Variants in CACNA2D1 observed in about 807,000 individuals in gnomAD.
CACNA2D1 encodes calcium voltage-gated channel auxiliary subunit alpha2delta 1, also known as voltage-dependent calcium channel subunit alpha-2/delta-1.
Under a neutral mutation model 171.5 loss-of-function variants are expected in CACNA2D1, and 53 were observed. That is an observed-to-expected ratio of 0.31 (90% CI 0.25 to 0.39). CACNA2D1 has a LOEUF of 0.39. Among genes scored for constraint, CACNA2D1 ranks in the 10% least tolerant of loss-of-function variants. The pLI, the probability that CACNA2D1 is intolerant of heterozygous loss-of-function variation, is 1.00. For synonymous variants in CACNA2D1, 442 were observed against 443.1 expected (o/e 1.00, Z 0.03); for missense variants, 903 against 1,299.8 (o/e 0.69, Z 4.69).
chr7:82,093,601 C>A (rs908163508), intron 6 of CACNA2D1, among the ~76,000 whole-genome samples: 4 of 151,852 alleles, frequency 2.6e-5, no homozygotes, highest in Admixed American at 2.6e-4. Flanking sequence ...AAGACAATGG[C>A]AAACTGAAAA....
chr7:82,024,613 A>G (rs1457100533), intron 12 of CACNA2D1, among the ~76,000 whole-genome samples: 1 of 151,532 alleles, frequency 6.6e-6, no homozygotes, highest in Non-Finnish European at 1.5e-5. Context: ...AGCTCTGTTG[A>G]TTGTTTCCTT....
intron 3 of CACNA2D1, among the ~76,000 whole-genome samples, chr7:82,274,145 C>G (rs1216158519): frequency 6.6e-6 from 1 of 152,100 alleles, no homozygotes; most frequent in Non-Finnish European, 1.5e-5. Flanking sequence ...AGCCTGCGCA[C>G]TAACCCCTCC....
chr7:82,256,344 T>A (rs894593437), intron 3 of CACNA2D1, among the ~76,000 whole-genome samples: 1 of 152,152 alleles, frequency 6.6e-6, no homozygotes, highest in African/African-American at 2.4e-5. Context: ...CAGAGTTTGA[T>A]CTTCTCTCCA....
intron 4 of CACNA2D1, among the ~76,000 whole-genome samples, chr7:82,165,054 A>T (rs2129139419): frequency 6.6e-6 from 1 of 152,080 alleles, no homozygotes; most frequent in East Asian, 1.9e-4. Flanking sequence ...AATTTTTAGG[A>T]CATTGGCAGC....
chr7:82,366,903 C>CTTTTTTTTTTTTTTTTTTTTTTTTT lies in CACNA2D1; in HGVS notation c.96-17255_96-17254insAAAAAAAAAAAAAAAAAAAAAAAAA, dbSNP rs71093376. Among the ~76,000 whole-genome samples, 39 of 86,968 alleles carry CTTTTTTTTTTTTTTTTTTTTTTTTT rather than the reference C, an allele frequency of 4.5e-4. 1 individual carries two copies. The highest frequency in any genetic ancestry group is 5.5e-4 in the Non-Finnish European group (24 of 43,366). The allele number at this position is 86,968 out of a possible 152,430, so 57.1% of individuals were successfully genotyped here. Reference sequence around the variant, plus strand: ...CCTGCCAGCATCCACTGGTTTTGACCTTTTTTTTTTTTTTTTTTTTTTTGA... The same window carrying CTTTTTTTTTTTTTTTTTTTTTTTTT: ...CCTGCCAGCATCCACTGGTTTTGACCTTTTTTTTTTTTTTTTTTTTTTTTTTTTTTTTTTTTTTTTTTTTTTTTGA... On this transcript the variant is annotated intron_variant, in intron 1 of 38. Coordinates refer to ENST00000356860, the MANE Select transcript of CACNA2D1 (RefSeq NM_000722.4).
chr7:82,095,456 G>C (rs1811740712), intron 6 of CACNA2D1, among the ~76,000 whole-genome samples: 1 of 152,154 alleles, frequency 6.6e-6, no homozygotes. Context: ...AGAGGCAATG[G>C]GATGTGACAA....
intron 22 of CACNA2D1, among the ~76,000 whole-genome samples, chr7:81,983,845 C>A (rs550106146): frequency 1.3e-5 from 2 of 152,274 alleles, no homozygotes; most frequent in South Asian, 2.1e-4. Context: ...CTGTAGCTTA[C>A]TTTAAGATCA....
At position 82,218,283 on chromosome 7, in the gene CACNA2D1, A is replaced by G. The variant is rs148405674; in HGVS notation, c.295-47674T>C. 1.6e-4 allele frequency among the ~76,000 whole-genome samples: 25 copies of G among 152,242 alleles called. No individual in the cohort carries two copies. In the East Asian group the frequency reaches 4.2e-3, roughly 26 times the overall value. On this transcript the variant is annotated intron_variant, in intron 3 of 38. Transcript: ENST00000356860. ...CTCAGGAAAACGCTTTCAGGCAGAC[A>G]CTATTTTTATTCTCACTTAAGATGT...
rs116363349 is a variant in CACNA2D1, at chr7:82,349,078, C to T, written c.177+490G>A. 2.0e-3 allele frequency among the ~76,000 whole-genome samples: 308 copies of T among 152,190 alleles called. 1 individual carries two copies. The highest frequency in any genetic ancestry group is 7.2e-3 in the African/African-American group (299 of 41,528). On this transcript the variant is annotated intron_variant, in intron 2 of 38. Coordinates refer to ENST00000356860, the MANE Select transcript of CACNA2D1 (RefSeq NM_000722.4). ...GAGTCTCCTTATCTTGCACCAGAAC[C>T]GTTATTACTGATCTCAGTGACTATC...
chr7:82,347,328 C>G (rs2108053), intron 2 of CACNA2D1, among the ~76,000 whole-genome samples: 132,638 of 152,144 alleles, frequency 0.87, 58,095 homozygotes, highest in African/African-American at 0.97. Context: ...GCCCAGGCCG[C>G]AGTGCAGTGG....
intron 3 of CACNA2D1, among the ~76,000 whole-genome samples, chr7:82,297,551 T>G (rs930614565): frequency 6.6e-6 from 1 of 152,170 alleles, no homozygotes; most frequent in African/African-American, 2.4e-5. Flanking sequence ...AAAAAAATTT[T>G]TGTAAAAAAG....
At chr7:82,219,214 A>G (rs1322505062) in intron 3 of CACNA2D1, among the ~76,000 whole-genome samples, 1 of 152,184 alleles carries the variant, frequency 6.6e-6, no homozygotes, top group Non-Finnish European at 1.5e-5. Flanking sequence ...TCATGCAGAA[A>G]AAAGTGGCAC....
intron 5 of CACNA2D1, among the ~76,000 whole-genome samples, chr7:82,123,274 G>A (rs1789955109): frequency 6.6e-6 from 1 of 152,108 alleles, no homozygotes; most frequent in South Asian, 2.1e-4. Flanking sequence ...ATACAGAGAT[G>A]CACACATTAA....
chr7:82,099,525 C>CTG (rs1410315873), intron 6 of CACNA2D1, among the ~76,000 whole-genome samples: 1,024 of 55,598 alleles, frequency 0.018, 147 homozygotes, highest in African/African-American at 0.052. Context: ...TCTCGGCTCA[C>CTG]TGCAAGCTCC....
chr7:82,338,501 T>C (rs1352355904), intron 2 of CACNA2D1, among the ~76,000 whole-genome samples: 1 of 152,168 alleles, frequency 6.6e-6, no homozygotes, highest in Non-Finnish European at 1.5e-5. Context: ...AGCTAGATCA[T>C]TATTAGCAAT....
intron 3 of CACNA2D1, among the ~76,000 whole-genome samples, chr7:82,175,079 C>T (rs970039425): frequency 6.6e-6 from 1 of 151,806 alleles, no homozygotes; most frequent in African/African-American, 2.4e-5. Flanking sequence ...GACTATTTTC[C>T]AAACATGTAA....
At chr7:82,102,395 G>T (rs1812781796) in intron 6 of CACNA2D1, among the ~76,000 whole-genome samples, 1 of 149,986 alleles carries the variant, frequency 6.7e-6, no homozygotes, top group Non-Finnish European at 1.5e-5. Context: ...ATAAGTAAAT[G>T]AATAATATTT....
intron 6 of CACNA2D1, among the ~76,000 whole-genome samples, chr7:82,114,900 T>C (rs1788866531): frequency 6.6e-6 from 1 of 152,312 alleles, no homozygotes; most frequent in South Asian, 2.1e-4. Flanking sequence ...CGTAAATACA[T>C]GTTGTAAACA....
chr7:82,102,170 G>A (rs975804928), intron 6 of CACNA2D1, among the ~76,000 whole-genome samples: 4 of 152,008 alleles, frequency 2.6e-5, no homozygotes, highest in Non-Finnish European at 5.9e-5. Context: ...TAAGAGAAGG[G>A]AAGTAACAGT....
Sources: gnomAD v4.1 joint callset for allele counts (sites outside exome capture counted in the v4.1 genomes callset) on GRCh38, gnomAD v4.1.1 for gene constraint, MANE v1.5 for transcripts, NCBI Gene and HGNC (gene_info 2026-07-23, HGNC 2026-07-21) for gene names.